ASPA: variants seen among roughly 807,000 people sequenced by gnomAD.
ASPA encodes the protein aspartoacylase.
Under a neutral mutation model 29.6 loss-of-function variants are expected in ASPA, and 25 were observed. That is an observed-to-expected ratio of 0.85 (90% CI 0.62 to 1.18). The LOEUF is 1.18. ASPA is among the 50% of genes most tolerant of loss of function. ASPA has a pLI of 0.00. For synonymous variants in ASPA, 131 were observed against 130.3 expected (o/e 1.01, Z -0.04); for missense variants, 333 against 385.7 (o/e 0.86, Z 1.14).
intron 4 of ASPA, among the ~76,000 whole-genome samples, chr17:3,489,692 G>T (rs2073789042): frequency 6.6e-6 from 1 of 152,182 alleles, no homozygotes; most frequent in African/African-American, 2.4e-5. Context: ...AAATATTAAA[G>T]TCTGCAAATA....
chr17:3,494,782 C>A (rs557694816), intron 5 of ASPA, among the ~76,000 whole-genome samples: 13 of 152,312 alleles, frequency 8.5e-5, no homozygotes, highest in Admixed American at 3.3e-4. Context: ...GAGGAGTGGT[C>A]AGACAAGGCC....
chr17:3,477,018 A>G (rs974756203), intron 1 of ASPA, among the ~76,000 whole-genome samples: 6 of 151,806 alleles, frequency 4.0e-5, no homozygotes, highest in Non-Finnish European at 8.9e-5. Flanking sequence ...AGCCGGGCGT[A>G]GTGGCGGGTG....
chr17:3,492,274 G>A (rs1295755572), intron 4 of ASPA, among the ~76,000 whole-genome samples: 1 of 152,230 alleles, frequency 6.6e-6, no homozygotes, highest in Non-Finnish European at 1.5e-5. Context: ...AAGATGGCCA[G>A]AACAATACGG....
rs756198538 is a variant in ASPA, at chr17:3,481,603, C to CA, written c.244dup (p.Met82AsnfsTer8). The CA allele has an allele frequency of 6.8e-6, 11 of 1,612,574 alleles. No individual in the cohort carries two copies. The highest frequency in any genetic ancestry group is 4.0e-5 in the African/African-American group (3 of 74,802). ...ATCTTTTTCTTTCTGCTTATAACAG[C>CA]AAAAAAATGTCAGAAGATTTGCCAT... On this transcript the variant is annotated frameshift_variant and splice_region_variant, in exon 2 of 6. Coordinates refer to ENST00000263080, the MANE Select transcript of ASPA (RefSeq NM_000049.4). LOFTEE classifies it high-confidence loss of function.
upstream of ASPA, among the ~76,000 whole-genome samples, chr17:3,475,262 AAC>A (rs1261405870): frequency 6.6e-6 from 1 of 152,128 alleles, no homozygotes; most frequent in African/African-American, 2.4e-5. Flanking sequence ...CTTTTTGAGT[AAC>A]ACAGTCCAGT....
At chr17:3,489,394 T>A (rs1265938892) in intron 4 of ASPA, 52 bp downstream of exon 4, 1 of 1,429,326 alleles carries the variant, frequency 7.0e-7, no homozygotes, top group African/African-American at 1.4e-5. Flanking sequence ...AACATTTAAA[T>A]AACAATTGGA....
chr17:3,493,126 A>G (rs2073851856), intron 4 of ASPA, among the ~76,000 whole-genome samples: 3 of 152,202 alleles, frequency 2.0e-5, no homozygotes, highest in Admixed American at 1.3e-4. Flanking sequence ...AGCCTGGTAT[A>G]TGCATAAACT....
chr17:3,497,058 C>T (rs576290334), intron 5 of ASPA, among the ~76,000 whole-genome samples: 1 of 152,228 alleles, frequency 6.6e-6, no homozygotes, highest in East Asian at 1.9e-4. Context: ...GCTGAGATTA[C>T]GTCTAAAAAG....
At position 3,501,647 on chromosome 17, in the gene ASPA, ACTC is replaced by A. The variant is rs2150766655; in HGVS notation, c.*2562_*2564del. Reference sequence around the variant, plus strand: ...GCAGCAGCAGGGTTTAAGAGGATTGACTCCTATTTTGAAATGAGTTCGGCTGGG... The same window carrying A: ...GCAGCAGCAGGGTTTAAGAGGATTGACTATTTTGAAATGAGTTCGGCTGGG... On this transcript the variant is annotated 3_prime_UTR_variant, in exon 6 of 6. Transcript: ENST00000263080. The A allele has an allele frequency of 6.2e-6, 1 of 160,900 alleles. No individual in the cohort carries two copies. Among genetic ancestry groups the A allele is most frequent in the African/African-American group, 2.4e-5 (1 of 41,642 alleles). 10.0% of individuals were successfully genotyped at this position (160,900 alleles called of 1,614,324 possible). A position where few individuals can be genotyped will look rare whatever the true frequency, so the allele number is the denominator to read the frequency against.
At position 3,486,229 on chromosome 17, in the gene ASPA, C is replaced by T. The variant is rs527612597; in HGVS notation, c.526+2637C>T. Among the ~76,000 whole-genome samples the T allele has an allele frequency of 7.7e-4, 117 of 152,256 alleles. 1 individual carries two copies. In the South Asian group the frequency reaches 0.011, roughly 14 times the overall value. On this transcript the variant is annotated intron_variant, in intron 3 of 5. Transcript: ENST00000263080. Reference sequence around the variant, plus strand: ...GATTACAGGCGTGAGCCACCGCACCCGGCTGTGAACCTTCATTTTTATAAT... The same window carrying T: ...GATTACAGGCGTGAGCCACCGCACCTGGCTGTGAACCTTCATTTTTATAAT...
Position 3,476,175 on chromosome 17 carries a change from A to G in ASPA, c.16A>G (p.Ile6Val), listed in dbSNP as rs1407260281. 2 of 1,613,838 alleles carry G rather than the reference A, an allele frequency of 1.2e-6. No homozygotes were observed. Among genetic ancestry groups the G allele is most frequent in the Non-Finnish European group, 1.7e-6 (2 of 1,179,972 alleles). The change falls in exon 1 of 6, where the codon ATT (isoleucine) becomes GTT (valine). Residue 6 changes from isoleucine to valine, a missense_variant. Transcript: ENST00000263080. Reference protein sequence around the residue: MTSCHIAEEHIQKVAI... With the variant: MTSCHVAEEHIQKVAI... ...ACTTGGTGAAATGACTTCTTGTCAC[A>G]TTGCTGAAGAACATATACAAAAGGT...
chr17:3,486,800 T>A (rs1272864538), intron 3 of ASPA, among the ~76,000 whole-genome samples: 1 of 152,234 alleles, frequency 6.6e-6, no homozygotes, highest in African/African-American at 2.4e-5. Context: ...CTTTTGTGCA[T>A]AATAAAAGGA....
Position 3,485,779 on chromosome 17 carries a change from C to G in ASPA, c.526+2187C>G, listed in dbSNP as rs189598822. ...GTGGATGCCAGTAGAAGACACAAGA[C>G]TCCTAAAACAGAGACAAAGAATAGA... is the stretch of plus-strand genomic sequence containing the variant. On this transcript the variant is annotated intron_variant, in intron 3 of 5. Transcript: ENST00000263080. This position sits in a 1 kb window ranked among gnomAD's most constrained non-coding sequence, Gnocchi z 4.4. Among the ~76,000 whole-genome samples, 61 of 152,286 alleles carry G rather than the reference C, an allele frequency of 4.0e-4. No homozygotes were observed. In the East Asian group the frequency reaches 9.6e-3, roughly 24 times the overall value.
chr17:3,485,089 G>C lies in ASPA; in HGVS notation c.526+1497G>C, dbSNP rs1442613776. Among the ~76,000 whole-genome samples the C allele has an allele frequency of 1.3e-5, 2 of 152,032 alleles. No homozygotes were observed. Among genetic ancestry groups the C allele is most frequent in the African/African-American group, 2.4e-5 (1 of 41,398 alleles). On this transcript the variant is annotated intron_variant, in intron 3 of 5. Coordinates refer to ENST00000263080, the MANE Select transcript of ASPA (RefSeq NM_000049.4). This position sits in a 1 kb window ranked among gnomAD's most constrained non-coding sequence, Gnocchi z 4.4. ...GGCTGAGTGTAGTGGCACGATCACA[G>C]TTCACTGCAGCCTTGACCTCCTGGG...
At chr17:3,479,065 G>A (rs971481971) in intron 1 of ASPA, among the ~76,000 whole-genome samples, 3 of 152,080 alleles carry the variant, frequency 2.0e-5, no homozygotes, top group African/African-American at 7.2e-5. Context: ...ATACCTCTAG[G>A]AATCATCCTA....
rs1209227358 is a variant in ASPA, at chr17:3,481,671, CAA to C, written c.308_309del (p.Lys103ArgfsTer3). ...CAAGAAATAAATCATTTATTTGGTC[CAA>C]AAGACAGTGAAGATTCCTATGACAT... On this transcript the variant is annotated frameshift_variant, in exon 2 of 6. Transcript: ENST00000263080. LOFTEE classifies it high-confidence loss of function. The C allele has an allele frequency of 6.2e-7, 1 of 1,613,754 alleles. No homozygotes were observed. Among genetic ancestry groups the C allele is most frequent in the African/African-American group, 1.3e-5 (1 of 74,998 alleles).
chr17:3,495,819 G>A (rs112190647), intron 5 of ASPA, among the ~76,000 whole-genome samples: 48 of 152,184 alleles, frequency 3.2e-4, no homozygotes, highest in African/African-American at 8.4e-4. Context: ...CACCTGCCTC[G>A]GCCTCCCAAA....
In ASPA at chr17:3,503,167, T is replaced by C. The variant is rs2074009988; in HGVS notation, c.*4079T>C. ...CCCCCAATGAATCCATAATCATAGT[T>C]TCAAATGTATTTACCAAAAATACTA... On this transcript the variant is annotated 3_prime_UTR_variant, in exon 6 of 6. Coordinates refer to ENST00000263080, the MANE Select transcript of ASPA (RefSeq NM_000049.4). The C allele has an allele frequency of 6.6e-6, 1 of 152,146 alleles. No homozygotes were observed. Among genetic ancestry groups the C allele is most frequent in the Non-Finnish European group, 1.5e-5 (1 of 68,032 alleles). 9.4% of individuals were successfully genotyped at this position (152,146 alleles called of 1,614,324 possible).
intron 1 of ASPA, among the ~76,000 whole-genome samples, chr17:3,480,234 G>C (rs572697827): frequency 6.6e-6 from 1 of 152,194 alleles, no homozygotes; most frequent in Non-Finnish European, 1.5e-5. Context: ...TGCCCAGACA[G>C]AGCTGATTTA....
Sources: gnomAD v4.1 joint callset for allele counts (sites outside exome capture counted in the v4.1 genomes callset) on GRCh38, gnomAD v4.1.1 for gene constraint, Gnocchi (gnomAD v3.1) non-coding constraint, MANE v1.5 for transcripts, NCBI Gene and HGNC (gene_info 2026-07-23, HGNC 2026-07-21) for gene names.